ZNF654: variants seen among roughly 807,000 people sequenced by gnomAD.
ZNF654 encodes the protein melanoma-associated antigen.
In ZNF654, 19 loss-of-function variants were observed where a neutral mutation model predicts 95.3. The observed-to-expected ratio is 0.20, with a 90% CI of 0.14 to 0.29. ZNF654 has a LOEUF of 0.29. Ranked by LOEUF, ZNF654 falls within the 10% of genes least tolerant of loss-of-function variation. ZNF654 has a pLI of 1.00. For missense variants in ZNF654, 1,046 were observed against 1,341.0 expected, an observed-to-expected ratio of 0.78 and a Z score of 3.44; for synonymous variants, 413 against 457.9, an observed-to-expected ratio of 0.90 and a Z score of 1.25.
chr3:88,090,340 T>G (rs1247604080), intron 2 of ZNF654, among the ~76,000 whole-genome samples: 1 of 152,140 alleles, frequency 6.6e-6, no homozygotes, highest in Non-Finnish European at 1.5e-5. Flanking sequence ...AGAACTAGGC[T>G]GATCAGTATG....
In ZNF654 at chr3:88,129,677, C is replaced by T. The variant is rs1453445235; in HGVS notation, c.754-10C>T. On this transcript the variant is annotated splice_polypyrimidine_tract_variant and intron_variant, in intron 5 of 8. Coordinates refer to ENST00000636215, the MANE Select transcript of ZNF654 (RefSeq NM_001350134.2). ...AATTATATGAACTGATTTCTCTTTT[C>T]CTCTTACAGCATTTATTGAAAACTG... is the stretch of plus-strand genomic sequence containing the variant. The T allele has an allele frequency of 2.4e-5, 35 of 1,439,332 alleles. No individual in the cohort carries two copies. The highest frequency in any genetic ancestry group is 2.9e-5 in the Non-Finnish European group (32 of 1,088,296). 89.2% of individuals were successfully genotyped at this position (1,439,332 alleles called of 1,614,324 possible).
intron 3 of ZNF654, among the ~76,000 whole-genome samples, chr3:88,124,296 GT>G: frequency 6.6e-6 from 1 of 152,154 alleles, no homozygotes; most frequent in East Asian, 1.9e-4. Context: ...GAGCAGAGAG[GT>G]TAAGTAACTT....
At chr3:88,069,879 A>C (rs1707410565) in intron 1 of ZNF654, among the ~76,000 whole-genome samples, 1 of 152,162 alleles carries the variant, frequency 6.6e-6, no homozygotes, top group Admixed American at 6.5e-5. Context: ...GTTTATCCTA[A>C]ATGATTAAAG....
chr3:88,073,820 T>C (rs2107622099), intron 1 of ZNF654, among the ~76,000 whole-genome samples: 1 of 152,250 alleles, frequency 6.6e-6, no homozygotes, highest in African/African-American at 2.4e-5. Context: ...TAATCTTGAG[T>C]ATATTTATCC....
chr3:88,139,187 C>T lies in ZNF654; in HGVS notation c.1518C>T (p.Ser506=), dbSNP rs146443196. 40 of 1,442,332 alleles carry T rather than the reference C, an allele frequency of 2.8e-5. No homozygotes were observed. The highest frequency in any genetic ancestry group is 3.6e-5 in the Non-Finnish European group (40 of 1,099,024). 89.3% of individuals were successfully genotyped at this position (1,442,332 alleles called of 1,614,324 possible). A position where few individuals can be genotyped will look rare whatever the true frequency, so the allele number is the denominator to read the frequency against. ...GGTTTGACTCTCTTACAGATCAGAG[C>T]ACTGGAGAGACTGATCCTGATGATG... The part of the protein sequence containing the change: ...DEGFDSLTDQ[S]TGETDPDDVS... Residue 506 remains serine, a synonymous_variant, in exon 8 of 9, where the codon AGC becomes AGT. Coordinates refer to ENST00000636215, the MANE Select transcript of ZNF654 (RefSeq NM_001350134.2).
intron 1 of ZNF654, among the ~76,000 whole-genome samples, chr3:88,065,705 C>T (rs1212044112): frequency 1.3e-5 from 2 of 151,490 alleles, no homozygotes; most frequent in African/African-American, 4.9e-5. Flanking sequence ...TTTTCTTTTC[C>T]TACCTCACAG....
chr3:88,091,240 A>G (rs1414411419), intron 2 of ZNF654, among the ~76,000 whole-genome samples: 2 of 152,248 alleles, frequency 1.3e-5, no homozygotes, highest in South Asian at 2.1e-4. Context: ...TCAGAACCAC[A>G]GAAGTGTTGG....
intron 8 of ZNF654, 50 bp downstream of exon 8, chr3:88,141,098 CATAA>C: frequency 6.6e-7 from 1 of 1,523,468 alleles, no homozygotes; most frequent in Non-Finnish European, 8.8e-7. Context: ...GAGAAAATGG[CATAA>C]ATAAAACTAT....
intron 2 of ZNF654, among the ~76,000 whole-genome samples, chr3:88,099,339 A>C (rs983381751): frequency 6.6e-6 from 1 of 152,198 alleles, no homozygotes; most frequent in Non-Finnish European, 1.5e-5. Context: ...TCACAAACAA[A>C]TGGAAGAATA....
rs1297280310 is a variant in ZNF654 at position 88,144,431 on chromosome 3, AATGCTGCATATG to A, written c.*2780_*2791del. On this transcript the variant is annotated 3_prime_UTR_variant, in exon 9 of 9. Transcript: ENST00000636215. The stretch of plus-strand genomic sequence containing the variant: ...GTAAAACACCTTTTCAGAATGAGTA[AATGCTGCATATG>A]CATTTTGGAGTTGTTAATATGTGAA... 1.3e-5 allele frequency: 2 copies of A among 152,364 alleles called. No homozygotes were observed. Among genetic ancestry groups the A allele is most frequent in the African/African-American group, 2.4e-5 (1 of 41,420 alleles). The allele number at this position is 152,364 out of a possible 1,614,324, so 9.4% of individuals were successfully genotyped here.
intron 2 of ZNF654, among the ~76,000 whole-genome samples, chr3:88,095,043 G>T (rs772396149): frequency 6.6e-6 from 1 of 152,052 alleles, no homozygotes; most frequent in Non-Finnish European, 1.5e-5. Flanking sequence ...CAGAATTATA[G>T]AATTCAAAAT....
intron 3 of ZNF654, among the ~76,000 whole-genome samples, chr3:88,116,580 G>T: frequency 2.1e-5 from 1 of 46,772 alleles, no homozygotes. Context: ...ACACACACAT[G>T]CACATATATT....
chr3:88,080,044 CAA>C, intron 1 of ZNF654, among the ~76,000 whole-genome samples: 1 of 151,256 alleles, frequency 6.6e-6, no homozygotes, highest in East Asian at 1.9e-4. Context: ...TTTTTCCAAA[CAA>C]TTTATCTTTT....
chr3:88,062,258 T>C (rs1424656823), intron 1 of ZNF654, among the ~76,000 whole-genome samples: 1 of 152,202 alleles, frequency 6.6e-6, no homozygotes, highest in Non-Finnish European at 1.5e-5. Flanking sequence ...AGTAGCATAG[T>C]TGAAATTGAG....
chr3:88,086,534 C>CT, intron 2 of ZNF654, 132 bp downstream of exon 2: 1 of 811,484 alleles, frequency 1.2e-6, no homozygotes, highest in Non-Finnish European at 1.8e-6. Flanking sequence ...ATTTTTTTCA[C>CT]TGAAGTATTC....
chr3:88,113,064 T>C, intron 2 of ZNF654, 51 bp from the exon 3 acceptor site: 4 of 1,259,608 alleles, frequency 3.2e-6, no homozygotes, highest in Admixed American at 2.3e-5. Context: ...AATCTTTTAA[T>C]TGGAGCAAAA....
chr3:88,138,588 A>G, intron 7 of ZNF654, 117 bp from the exon 8 acceptor site: 1 of 546,226 alleles, frequency 1.8e-6, no homozygotes, highest in Non-Finnish European at 2.8e-6. Context: ...AAAATTGGAC[A>G]TTGGAATACT....
intron 2 of ZNF654, among the ~76,000 whole-genome samples, chr3:88,088,757 T>TGGATGGATGG (rs1553694194): frequency 1.1e-3 from 106 of 94,468 alleles, no homozygotes; most frequent in African/African-American, 2.9e-3. Flanking sequence ...TGTATGTATG[T>TGGATGGATGG]ATGTATGGAT....
rs1707212988 is a variant in ZNF654, at chr3:88,143,276, A to G, written c.*1624A>G. On this transcript the variant is annotated 3_prime_UTR_variant, in exon 9 of 9. Coordinates refer to ENST00000636215, the MANE Select transcript of ZNF654 (RefSeq NM_001350134.2). The stretch of plus-strand genomic sequence containing the variant: ...TGGTTTATCATCAGCATTCACTACT[A>G]TGCAATGATGGTCATAAGTCCATTC... 1.3e-5 allele frequency: 2 copies of G among 152,184 alleles called. No homozygotes were observed. Among genetic ancestry groups the G allele is most frequent in the African/African-American group, 2.4e-5 (1 of 41,412 alleles). 9.4% of individuals were successfully genotyped at this position (152,184 alleles called of 1,614,324 possible). A position where few individuals can be genotyped will look rare whatever the true frequency, so the allele number is the denominator to read the frequency against.
Sources: gnomAD v4.1 joint callset for allele counts (sites outside exome capture counted in the v4.1 genomes callset) on GRCh38, gnomAD v4.1.1 for gene constraint, MANE v1.5 for transcripts, NCBI Gene and HGNC (gene_info 2026-07-23, HGNC 2026-07-21) for gene names.